Variants in WDR76 observed in about 807,000 individuals in gnomAD.
WDR76 encodes the protein WD repeat domain 76, also known as WD repeat-containing protein 76.
In WDR76, 52 loss-of-function variants were observed where a neutral mutation model predicts 70.2. The observed-to-expected ratio is 0.74, with a 90% CI of 0.59 to 0.93. The LOEUF (loss-of-function observed/expected upper bound fraction) is 0.93, where lower values mean the gene tolerates loss of function less well. Among genes scored for constraint, WDR76 ranks in the 40% least tolerant of loss-of-function variants. The pLI, the probability that WDR76 is intolerant of heterozygous loss-of-function variation, is 0.00. For synonymous variants in WDR76, 292 were observed against 271.1 expected (o/e 1.08, Z -0.76); for missense variants, 756 against 760.2 (o/e 0.99, Z 0.07).
chr15:43,827,608 G>C (rs544616611), intron 1 of WDR76, among the ~76,000 whole-genome samples: 6 of 151,612 alleles, frequency 4.0e-5, no homozygotes, highest in Non-Finnish European at 8.8e-5. Context: ...GCAGTGGTGT[G>C]ATCTCGGCTC....
chr15:43,844,277 T>C (rs913175012), intron 8 of WDR76, among the ~76,000 whole-genome samples: 8 of 152,328 alleles, frequency 5.3e-5, no homozygotes, highest in Middle Eastern at 3.4e-3. Flanking sequence ...TGGTCATAAA[T>C]TAACTGCCAG....
intron 7 of WDR76, among the ~76,000 whole-genome samples, chr15:43,842,968 A>G (rs2087744183): frequency 7.4e-6 from 1 of 135,794 alleles, no homozygotes; most frequent in Non-Finnish European, 1.6e-5. Flanking sequence ...TTTTTACTAT[A>G]TGTTGTAATG....
At chr15:43,861,301 C>G in intron 11 of WDR76, 32 bp from the exon 12 acceptor site, 1 of 1,582,634 alleles carries the variant, frequency 6.3e-7, no homozygotes, top group Non-Finnish European at 8.7e-7. Flanking sequence ...TTTTAAGTAA[C>G]AAAAGAATGT....
chr15:43,860,236 C>G (rs2087979295), intron 11 of WDR76, among the ~76,000 whole-genome samples: 1 of 152,200 alleles, frequency 6.6e-6, no homozygotes, highest in South Asian at 2.1e-4. Context: ...CAGAATGAGA[C>G]GTTGTCTCTT....
In WDR76 at chr15:43,842,658, T is replaced by C. The variant is rs1438786097; in HGVS notation, c.865T>C (p.Ser289Pro). The C allele has an allele frequency of 1.2e-6, 2 of 1,609,440 alleles. No individual in the cohort carries two copies. Among genetic ancestry groups the C allele is most frequent in the Non-Finnish European group, 1.7e-6 (2 of 1,178,762 alleles). ...PSSKNTEKGL[S>P]SIKSYKANLN... Reference sequence around the variant, plus strand: ...TAGTAAGAACACTGAGAAGGGATTATCTAGCATTAAAAGGTAAGTTGAAAT... The same window carrying C: ...TAGTAAGAACACTGAGAAGGGATTACCTAGCATTAAAAGGTAAGTTGAAAT... The change falls in exon 7 of 13, where the codon TCT (serine) becomes CCT (proline). Residue 289 changes from serine (S) to proline (P), a missense_variant. Ser to Pro is a moderately conservative substitution (Grantham distance 74, BLOSUM62 -1). Coordinates refer to ENST00000263795, the MANE Select transcript of WDR76 (RefSeq NM_024908.4).
At chr15:43,865,399 A>G (rs1199146992) in intron 12 of WDR76, among the ~76,000 whole-genome samples, 1 of 152,194 alleles carries the variant, frequency 6.6e-6, no homozygotes, top group Non-Finnish European at 1.5e-5. Context: ...CAGCCTCCCT[A>G]GGAGCTGGGA....
At chr15:43,843,457 T>G (rs1476393042) in intron 7 of WDR76, among the ~76,000 whole-genome samples, 2 of 152,212 alleles carry the variant, frequency 1.3e-5, no homozygotes, top group African/African-American at 4.8e-5. Flanking sequence ...TGTTTTCCAT[T>G]TAGCTTTGTG....
In WDR76 at chr15:43,866,631, T is replaced by C. The variant is rs1490756664; in HGVS notation, c.*239T>C. On this transcript the variant is annotated 3_prime_UTR_variant, in exon 13 of 13. Coordinates refer to ENST00000263795, the MANE Select transcript of WDR76 (RefSeq NM_024908.4). Reference sequence around the variant, plus strand: ...TGAGGTGCCGTCAGGACTTTTTTTTTTTTTTTTTTTTTGAGATGGAGTTTT... The same window carrying C: ...TGAGGTGCCGTCAGGACTTTTTTTTCTTTTTTTTTTTTGAGATGGAGTTTT... 6.7e-6 allele frequency: 3 copies of C among 449,768 alleles called. No homozygotes were observed. The East Asian group carries it at 1.2e-4, about 18-fold the overall frequency. 27.9% of individuals were successfully genotyped at this position (449,768 alleles called of 1,614,324 possible).
chr15:43,842,274 T>G, intron 5 of WDR76, 141 bp from the exon 6 acceptor site: 1 of 655,728 alleles, frequency 1.5e-6, no homozygotes, highest in Non-Finnish European at 2.6e-6. Context: ...GAACAATTAT[T>G]TTGAATGTCC....
chr15:43,834,828 A>T (rs1327402070), intron 2 of WDR76, among the ~76,000 whole-genome samples: 2 of 152,218 alleles, frequency 1.3e-5, no homozygotes, highest in Non-Finnish European at 2.9e-5. Context: ...GATTTCTAAT[A>T]TCAGATCACT....
At chr15:43,860,040 C>T (rs1414820051) in intron 11 of WDR76, among the ~76,000 whole-genome samples, 1 of 151,994 alleles carries the variant, frequency 6.6e-6, no homozygotes, top group Non-Finnish European at 1.5e-5. Context: ...CACTTGAGCC[C>T]AGGAGTTCGA....
intron 11 of WDR76, 75 bp from the exon 12 acceptor site, chr15:43,861,258 T>A: frequency 8.2e-7 from 1 of 1,215,820 alleles, no homozygotes; most frequent in South Asian, 1.2e-5. Context: ...AATGAGAAGC[T>A]TGTTAAATAC....
At chr15:43,841,325 C>T (rs2087722955) in intron 5 of WDR76, among the ~76,000 whole-genome samples, 1 of 151,358 alleles carries the variant, frequency 6.6e-6, no homozygotes, top group South Asian at 2.1e-4. Context: ...GGCTCAGCCT[C>T]CGCTGGGACT....
In WDR76 at chr15:43,830,666, A is replaced by G. The variant is rs1356006771; in HGVS notation, c.462+2300A>G. On this transcript the variant is annotated intron_variant, in intron 2 of 12. Transcript: ENST00000263795. ...TCCATTAATAGAGTTGCTCCTAAAG[A>G]AAAAAAAAAGGAGGTGGACAGATCA... Among the ~76,000 whole-genome samples the G allele has an allele frequency of 3.3e-5, 5 of 149,540 alleles. 1 individual carries two copies. Among genetic ancestry groups the G allele is most frequent in the East Asian group, 3.9e-4 (2 of 5,100 alleles).
At chr15:43,834,387 A>C (rs983918122) in intron 2 of WDR76, among the ~76,000 whole-genome samples, 2 of 126,112 alleles carry the variant, frequency 1.6e-5, no homozygotes, top group African/African-American at 3.1e-5. Context: ...TGCAACCCCC[A>C]CCTCCCAGGT....
chr15:43,830,352 G>A (rs1205467742), intron 2 of WDR76, among the ~76,000 whole-genome samples: 1 of 151,784 alleles, frequency 6.6e-6, no homozygotes, highest in Non-Finnish European at 1.5e-5. Flanking sequence ...CACCTGAGGT[G>A]GGGAGTTTGA....
chr15:43,845,992 G>A (rs1274587466), intron 8 of WDR76, among the ~76,000 whole-genome samples: 1 of 150,136 alleles, frequency 6.7e-6, no homozygotes, highest in Non-Finnish European at 1.5e-5. Context: ...TGTGAGTGGG[G>A]ATAGGAGGTG....
At chr15:43,863,536 AGTTT>A (rs1206695460) in intron 12 of WDR76, among the ~76,000 whole-genome samples, 1 of 151,166 alleles carries the variant, frequency 6.6e-6, no homozygotes, top group Non-Finnish European at 1.5e-5. Context: ...TCTGCCCAGC[AGTTT>A]GTTAACTACT....
chr15:43,853,887 C>T (rs1323211468), intron 9 of WDR76, among the ~76,000 whole-genome samples: 1 of 100,708 alleles, frequency 9.9e-6, no homozygotes, highest in African/African-American at 3.5e-5. Context: ...GCCTGGGCGA[C>T]AGAGCGAGAC....
Sources: gnomAD v4.1 joint callset for allele counts (sites outside exome capture counted in the v4.1 genomes callset) on GRCh38, gnomAD v4.1.1 for gene constraint, MANE v1.5 for transcripts, NCBI Gene and HGNC (gene_info 2026-07-23, HGNC 2026-07-21) for gene names.